Variants in ADAMTS17 observed in about 807,000 individuals in gnomAD.
The protein encoded by ADAMTS17 is ADAM metallopeptidase with thrombospondin type 1 motif 17.
ADAMTS17 carries 113 observed loss-of-function variants against 141.5 expected under a neutral mutation model. The ratio of observed to expected loss-of-function variants is 0.80; its 90% CI spans 0.69 to 0.93. ADAMTS17 has a LOEUF of 0.93. ADAMTS17 is among the 40% of genes least tolerant of loss of function. The pLI, the probability that ADAMTS17 is intolerant of heterozygous loss-of-function variation, is 0.00. For synonymous variants in ADAMTS17, 768 were observed against 630.6 expected, an observed-to-expected ratio of 1.22 and a Z score of -3.27; for missense variants, 1,659 against 1,517.9, an observed-to-expected ratio of 1.09 and a Z score of -1.54.
chr15:100,077,547 A>T (rs2034466207), intron 15 of ADAMTS17, among the ~76,000 whole-genome samples: 1 of 152,076 alleles, frequency 6.6e-6, no homozygotes, highest in Non-Finnish European at 1.5e-5. Context: ...GTGCAGGAAA[A>T]GCATTTGACA....
In ADAMTS17 at chr15:99,997,386, TG is replaced by T; in HGVS notation, c.2794del (p.Gln932SerfsTer114). 4 of 1,613,744 alleles carry T rather than the reference TG, an allele frequency of 2.5e-6. No homozygotes were observed. Among genetic ancestry groups the T allele is most frequent in the Non-Finnish European group, 2.5e-6 (3 of 1,180,012 alleles). On this transcript the variant is annotated frameshift_variant and splice_region_variant, in exon 19 of 22. Transcript: ENST00000268070. LOFTEE classifies it high-confidence loss of function. This position sits in a 1 kb window ranked among gnomAD's most constrained non-coding sequence, Gnocchi z 4.7. ...CTGGTGGCAAGCCCAGGCACCCACC[TG>T]TGACCACTCAGACGCCTCCCAGATG... ...LSIWEASEWSQCSASCGKGVW... is the reference protein window; with the variant it reads ...LSIWEASEWSXCSASCGKGVW...
chr15:100,116,781 G>A, intron 13 of ADAMTS17, 66 bp downstream of exon 13: 1 of 1,609,462 alleles, frequency 6.2e-7, no homozygotes. Context: ...GGCTTCCCTA[G>A]GTGGTTTTTA....
chr15:100,089,960 T>C (rs1378663491), intron 15 of ADAMTS17, among the ~76,000 whole-genome samples: 1 of 150,444 alleles, frequency 6.6e-6, no homozygotes, highest in Non-Finnish European at 1.5e-5. Context: ...TGTGCACATG[T>C]ACCCTAGAAC....
In ADAMTS17 at chr15:100,262,443, G is replaced by T. The variant is rs760469819; in HGVS notation, c.790-8C>A. On this transcript the variant is annotated splice_polypyrimidine_tract_variant and splice_region_variant and intron_variant, in intron 4 of 21. Coordinates refer to ENST00000268070, the MANE Select transcript of ADAMTS17 (RefSeq NM_139057.4). The stretch of plus-strand genomic sequence containing the variant: ...CTGAAACATATTGTATACCTATCAA[G>T]ACAGAAAAAAGAAATAAAGATATAA... The T allele has an allele frequency of 2.2e-5, 36 of 1,608,154 alleles. 1 individual carries two copies. The highest frequency in any genetic ancestry group is 3.3e-5 in the South Asian group (3 of 90,004).
At chr15:100,285,901 TC>T (rs2142099342) in intron 3 of ADAMTS17, among the ~76,000 whole-genome samples, 1 of 152,192 alleles carries the variant, frequency 6.6e-6, no homozygotes, top group Non-Finnish European at 1.5e-5. Context: ...ACCAGGGTGG[TC>T]TTGCCCATAG....
chr15:100,074,357 T>A (rs1288006128), intron 15 of ADAMTS17, among the ~76,000 whole-genome samples: 1 of 151,874 alleles, frequency 6.6e-6, no homozygotes, highest in Non-Finnish European at 1.5e-5. Context: ...TAATAACATC[T>A]CATATATAAC....
intron 4 of ADAMTS17, among the ~76,000 whole-genome samples, chr15:100,273,675 T>G (rs902428930): frequency 2.0e-5 from 3 of 152,172 alleles, no homozygotes; most frequent in Non-Finnish European, 4.4e-5. Context: ...TTTCTGTCCT[T>G]TTCTCTCTGC....
At chr15:100,051,485 T>A in intron 17 of ADAMTS17, 87 bp downstream of exon 17, 1 of 1,581,618 alleles carries the variant, frequency 6.3e-7, no homozygotes, top group Non-Finnish European at 8.6e-7. Flanking sequence ...TGCAGATGTC[T>A]CACACTCTGC....
At chr15:100,098,090 T>C (rs77142888) in intron 14 of ADAMTS17, among the ~76,000 whole-genome samples, 3,914 of 152,176 alleles carry the variant, frequency 0.026, 148 homozygotes, top group African/African-American at 0.084. Flanking sequence ...AAGGGTAAAA[T>C]TGAAGGCTTT....
intron 8 of ADAMTS17, among the ~76,000 whole-genome samples, chr15:100,193,810 T>C (rs565491433): frequency 6.6e-6 from 1 of 152,050 alleles, no homozygotes; most frequent in African/African-American, 2.4e-5. Flanking sequence ...AAGAGAATGG[T>C]TTTTTGACCG....
intron 8 of ADAMTS17, among the ~76,000 whole-genome samples, chr15:100,192,786 G>C (rs1205096202): frequency 6.6e-6 from 1 of 152,140 alleles, no homozygotes; most frequent in African/African-American, 2.4e-5. Flanking sequence ...CCTGTTCTGG[G>C]ACTGAGACAA....
At chr15:100,188,537 C>T (rs963636425) in intron 8 of ADAMTS17, among the ~76,000 whole-genome samples, 1 of 152,308 alleles carries the variant, frequency 6.6e-6, no homozygotes, top group African/African-American at 2.4e-5. Context: ...TCACGGGAAA[C>T]CCCAATTCAA....
At chr15:100,052,287 C>A (rs968899943) in intron 16 of ADAMTS17, among the ~76,000 whole-genome samples, 1 of 152,234 alleles carries the variant, frequency 6.6e-6, no homozygotes, top group Admixed American at 6.5e-5. Context: ...ACTGGTGATA[C>A]TGATTCTGCA....
chr15:100,340,900 G>A (rs1289890489), intron 2 of ADAMTS17, 139 bp downstream of exon 2: 11 of 1,319,890 alleles, frequency 8.3e-6, no homozygotes, highest in East Asian at 5.4e-5. Context: ...GATGGGGAGA[G>A]GTGGAAAGGC....
Position 100,341,174 on chromosome 15 carries a change from T to C in ADAMTS17, c.315A>G (p.Arg105=). ...CGCCCGCCTCCTCCACCTCGAAGCC[T>C]CGGGACAGGAAGCGCAGGTCGCGGC... The part of the protein sequence containing the change: ...QLRRDLRFLS[R]GFEVEEAGAA... Residue 105 remains arginine, a synonymous_variant, in exon 2 of 22, where the codon CGA becomes CGG. Coordinates refer to ENST00000268070, the MANE Select transcript of ADAMTS17 (RefSeq NM_139057.4). 1.4e-6 allele frequency: 2 copies of C among 1,460,892 alleles called. No individual in the cohort carries two copies. Among genetic ancestry groups the C allele is most frequent in the Non-Finnish European group, 1.8e-6 (2 of 1,111,208 alleles). 90.5% of individuals were successfully genotyped at this position (1,460,892 alleles called of 1,614,324 possible). A position where few individuals can be genotyped will look rare whatever the true frequency, so the allele number is the denominator to read the frequency against.
At chr15:100,262,519 A>T in intron 4 of ADAMTS17, 84 bp from the exon 5 acceptor site, 1 of 988,704 alleles carries the variant, frequency 1.0e-6, no homozygotes, top group Non-Finnish European at 1.5e-6. Flanking sequence ...AACTTGGGAC[A>T]CAGAAAAGAG....
At chr15:100,331,974 TA>T (rs1205545996) in intron 2 of ADAMTS17, among the ~76,000 whole-genome samples, 1 of 115,666 alleles carries the variant, frequency 8.6e-6, no homozygotes, top group African/African-American at 3.5e-5. Context: ...CCAAATGAGA[TA>T]GACCCCAGCT....
intron 15 of ADAMTS17, among the ~76,000 whole-genome samples, chr15:100,062,138 G>A (rs927627621): frequency 2.0e-5 from 3 of 152,230 alleles, no homozygotes; most frequent in African/African-American, 4.8e-5. Flanking sequence ...AGCTGAGGAG[G>A]AGAGTGCCAG....
chr15:100,005,130 G>A (rs532119008), intron 18 of ADAMTS17, among the ~76,000 whole-genome samples: 20 of 152,150 alleles, frequency 1.3e-4, no homozygotes, highest in Admixed American at 2.0e-4. Context: ...ATCCTCCTGC[G>A]ACTCTGCTTC....
Sources: allele counts gnomAD v4.1 joint callset (sites outside exome capture counted in the v4.1 genomes callset), GRCh38; gene constraint gnomAD v4.1.1; non-coding constraint Gnocchi (gnomAD v3.1); transcripts MANE v1.5; gene names NCBI Gene and HGNC (gene_info 2026-07-23, HGNC 2026-07-21).